Variants in NHLRC2 observed in about 807,000 individuals in gnomAD.
NHLRC2 encodes NHL repeat containing 2.
Under a neutral mutation model 68.1 loss-of-function variants are expected in NHLRC2, and 33 were observed. That is an observed-to-expected ratio of 0.48 (90% CI 0.37 to 0.65). The LOEUF (loss-of-function observed/expected upper bound fraction) is 0.65. Ranked by LOEUF, NHLRC2 falls within the 30% of genes least tolerant of loss-of-function variation. The probability of loss-of-function intolerance (pLI) is 0.00; values close to 1 mark genes in which losing one functional copy is unlikely to be tolerated. For synonymous variants in NHLRC2, 311 were observed against 309.6 expected, an observed-to-expected ratio of 1.00 and a Z score of -0.05; for missense variants, 761 against 853.8, an observed-to-expected ratio of 0.89 and a Z score of 1.35.
intron 8 of NHLRC2, among the ~76,000 whole-genome samples, chr10:113,903,242 T>C (rs554665985): frequency 1.3e-5 from 2 of 151,956 alleles, no homozygotes; most frequent in South Asian, 2.1e-4. Context: ...TAAAAAAAAA[T>C]TTTTTTTAAT....
At chr10:113,890,127 G>C (rs1846118263) in intron 5 of NHLRC2, among the ~76,000 whole-genome samples, 1 of 152,202 alleles carries the variant, frequency 6.6e-6, no homozygotes, top group Non-Finnish European at 1.5e-5. Flanking sequence ...CACAGTGGCT[G>C]TTTTCTTAAA....
At position 113,908,847 on chromosome 10, in the gene NHLRC2, C is replaced by G. The variant is rs1589550875; in HGVS notation, c.*311C>G. On this transcript the variant is annotated 3_prime_UTR_variant, in exon 11 of 11. Transcript: ENST00000369301. ...GTAGAGAATACTATAAGATAATTTGCAATAAATACTGATAATAATAATACC... is the reference window on the plus strand; with the variant it reads ...GTAGAGAATACTATAAGATAATTTGGAATAAATACTGATAATAATAATACC... The G allele has an allele frequency of 4.1e-6, 1 of 242,170 alleles. No individual in the cohort carries two copies. The highest frequency in any genetic ancestry group is 8.4e-5 in the East Asian group (1 of 11,956). 15.0% of individuals were successfully genotyped at this position (242,170 alleles called of 1,614,324 possible).
rs1308182650 is a variant in NHLRC2 at position 113,913,357 on chromosome 10, T to C, written c.*4821T>C. On this transcript the variant is annotated 3_prime_UTR_variant, in exon 11 of 11. Transcript: ENST00000369301. ...TGTTTCTGCAATTTAAATAAATCCA[T>C]TTAATTATACAACTTTGCATTATAT... 6.6e-6 allele frequency: 1 copy of C among 152,230 alleles called. No individual in the cohort carries two copies. Among genetic ancestry groups the C allele is most frequent in the Non-Finnish European group, 1.5e-5 (1 of 68,044 alleles). The allele number at this position is 152,230 out of a possible 1,614,324, so 9.4% of individuals were successfully genotyped here.
intron 2 of NHLRC2, among the ~76,000 whole-genome samples, chr10:113,862,981 A>T (rs1845830612): frequency 6.6e-6 from 1 of 152,240 alleles, no homozygotes; most frequent in Non-Finnish European, 1.5e-5. Flanking sequence ...TTTATTAAAA[A>T]ATAAATTAAT....
At chr10:113,878,997 ACT>A (rs1217634825) in intron 3 of NHLRC2, among the ~76,000 whole-genome samples, 2 of 151,860 alleles carry the variant, frequency 1.3e-5, no homozygotes, top group Non-Finnish European at 2.9e-5. Context: ...CACCCTTGAA[ACT>A]CTACATGAAT....
chr10:113,896,165 G>C (rs1846175603), intron 5 of NHLRC2, among the ~76,000 whole-genome samples: 1 of 151,876 alleles, frequency 6.6e-6, no homozygotes, highest in South Asian at 2.1e-4. Context: ...CCTATTACTG[G>C]GTATATACCC....
At position 113,876,660 on chromosome 10, in the gene NHLRC2, A is replaced by G. The variant is rs549401822; in HGVS notation, c.471A>G (p.Leu157=). ...NDADASLWQE[L]EVSCWPTLVI... is the part of the protein sequence containing the mutation. Reference sequence around the variant, plus strand: ...CAGATGCCAGCCTTTGGCAAGAACTAGAAGTTTCCTGCTGGCCAACTCTAG... The same window carrying G: ...CAGATGCCAGCCTTTGGCAAGAACTGGAAGTTTCCTGCTGGCCAACTCTAG... The change falls in exon 3 of 11, where the codon CTA becomes CTG. Residue 157 remains leucine, a synonymous_variant. Transcript: ENST00000369301. 1.6e-5 allele frequency: 26 copies of G among 1,614,034 alleles called. No homozygotes were observed. In the South Asian group the frequency reaches 2.7e-4, roughly 17 times the overall value.
intron 4 of NHLRC2, among the ~76,000 whole-genome samples, chr10:113,880,526 A>C (rs1168311854): frequency 6.6e-6 from 1 of 151,878 alleles, no homozygotes; most frequent in Non-Finnish European, 1.5e-5. Context: ...CATCATACTC[A>C]TCCTGTCTAA....
Position 113,915,620 on chromosome 10 carries a change from GT to G in NHLRC2, c.*7093del, listed in dbSNP as rs887131300. Reference sequence around the variant, plus strand: ...GACTTAACTCTCCCCAATTAAAATAGTTTTTTTTTCCCTTCCCATTTTTTTG... The same window carrying G: ...GACTTAACTCTCCCCAATTAAAATAGTTTTTTTTCCCTTCCCATTTTTTTG... On this transcript the variant is annotated 3_prime_UTR_variant, in exon 11 of 11. Coordinates refer to ENST00000369301, the MANE Select transcript of NHLRC2 (RefSeq NM_198514.4). The G allele has an allele frequency of 1.1e-4, 25 of 221,692 alleles. No individual in the cohort carries two copies. Among genetic ancestry groups the G allele is most frequent in the South Asian group, 3.7e-4 (6 of 16,048 alleles). The allele number at this position is 221,692 out of a possible 1,614,324, so 13.7% of individuals were successfully genotyped here. A position where few individuals can be genotyped will look rare whatever the true frequency, so the allele number is the denominator to read the frequency against.
intron 6 of NHLRC2, among the ~76,000 whole-genome samples, 175 bp downstream of exon 6, chr10:113,898,384 T>A (rs1175615055): frequency 2.6e-5 from 4 of 152,222 alleles, no homozygotes; most frequent in Admixed American, 2.0e-4. Flanking sequence ...CTCACTCACA[T>A]GGGTTCACTG....
rs545481453 is a variant in NHLRC2 at position 113,883,327 on chromosome 10, T to C, written c.910-924T>C. ...TCTTGCTTTTAAGCATTAGCAATGA[T>C]GGTGGGTATCTTGTCATGCTTATAA... On this transcript the variant is annotated intron_variant, in intron 4 of 10. Coordinates refer to ENST00000369301, the MANE Select transcript of NHLRC2 (RefSeq NM_198514.4). 2.0e-5 allele frequency among the ~76,000 whole-genome samples: 3 copies of C among 152,034 alleles called. No homozygotes were observed. The East Asian group carries it at 5.8e-4, about 29-fold the overall frequency.
At chr10:113,894,686 A>G (rs1846162616) in intron 5 of NHLRC2, among the ~76,000 whole-genome samples, 1 of 152,014 alleles carries the variant, frequency 6.6e-6, no homozygotes, top group Non-Finnish European at 1.5e-5. Flanking sequence ...GTTCTTAAGT[A>G]GGATGTTTGC....
At chr10:113,902,680 C>A in intron 8 of NHLRC2, 87 bp downstream of exon 8, 1 of 1,128,086 alleles carries the variant, frequency 8.9e-7, no homozygotes, top group Non-Finnish European at 1.3e-6. Flanking sequence ...CTACAACTGC[C>A]ACTCTAAAAT....
chr10:113,889,937 TTAA>T (rs1373462683), intron 5 of NHLRC2, among the ~76,000 whole-genome samples: 1 of 152,250 alleles, frequency 6.6e-6, no homozygotes, highest in Non-Finnish European at 1.5e-5. Context: ...CATTCACCAG[TTAA>T]TAGACATTTG....
In NHLRC2 at chr10:113,854,757, C is replaced by A; in HGVS notation, c.-116C>A. 2 of 756,806 alleles carry A rather than the reference C, an allele frequency of 2.6e-6. No homozygotes were observed. The highest frequency in any genetic ancestry group is 4.2e-6 in the Non-Finnish European group (2 of 478,038). 46.9% of individuals were successfully genotyped at this position (756,806 alleles called of 1,614,324 possible). ...AAAGTGTCATTGGCGTGGAGTGGGG[C>A]TAGTGGAGGGTGAGGTGAATGCGCC... On this transcript the variant is annotated 5_prime_UTR_variant, in exon 1 of 11. Transcript: ENST00000369301.
chr10:113,865,597 CTTTTTT>C (rs59697946), intron 2 of NHLRC2, among the ~76,000 whole-genome samples: 1 of 108,430 alleles, frequency 9.2e-6, no homozygotes, highest in South Asian at 3.0e-4. Flanking sequence ...ATAACTTCGA[CTTTTTT>C]TTTTTTTTTT....
intron 5 of NHLRC2, among the ~76,000 whole-genome samples, chr10:113,889,237 A>T (rs1846110367): frequency 6.6e-6 from 1 of 151,988 alleles, no homozygotes. Flanking sequence ...TTTAATCAAC[A>T]TTTTCCCTAG....
Position 113,854,910 on chromosome 10 carries a change from G to A in NHLRC2, c.38G>A (p.Gly13Asp), listed in dbSNP as rs903628188. 3 of 1,552,600 alleles carry A rather than the reference G, an allele frequency of 1.9e-6. No individual in the cohort carries two copies. Among genetic ancestry groups the A allele is most frequent in the Non-Finnish European group, 2.6e-6 (3 of 1,147,920 alleles). ...APGGRGRSLS[G>D]LLPAQTSLEY... ...GGAGGCCGGGGCCGCAGCCTCTCCG[G>A]CCTGCTCCCCGCGCAGACCTCGCTA... is the stretch of plus-strand genomic sequence containing the variant. The change falls in exon 1 of 11, where the codon GGC (glycine) becomes GAC (aspartate). Residue 13 changes from glycine (G) to aspartate (D), a missense_variant. Gly to Asp is a moderately conservative substitution (Grantham distance 94). Coordinates refer to ENST00000369301, the MANE Select transcript of NHLRC2 (RefSeq NM_198514.4).
chr10:113,855,471 T>C (rs367799438), intron 1 of NHLRC2, among the ~76,000 whole-genome samples: 16 of 151,732 alleles, frequency 1.1e-4, no homozygotes, highest in African/African-American at 3.6e-4. Context: ...ACAGGGTTTT[T>C]TTTTGTTTTT....
Sources: gnomAD v4.1 joint callset for allele counts (sites outside exome capture counted in the v4.1 genomes callset) on GRCh38, gnomAD v4.1.1 for gene constraint, MANE v1.5 for transcripts, NCBI Gene and HGNC (gene_info 2026-07-23, HGNC 2026-07-21) for gene names.